PREX1: variants seen among roughly 807,000 people sequenced by gnomAD.
PREX1 encodes phosphatidylinositol-3,4,5-trisphosphate dependent Rac exchange factor 1.
Under a neutral mutation model 198.3 loss-of-function variants are expected in PREX1, and 41 were observed. The observed-to-expected ratio is 0.21, with a 90% confidence interval of 0.16 to 0.27. The LOEUF (loss-of-function observed/expected upper bound fraction) is 0.27, where lower values mean the gene tolerates loss of function less well. PREX1 is among the 10% of genes least tolerant of loss of function. PREX1 has a pLI of 1.00. For missense variants in PREX1, 1,620 were observed against 2,200.7 expected, an observed-to-expected ratio of 0.74 and a Z score of 5.28; for synonymous variants, 843 against 887.2, an observed-to-expected ratio of 0.95 and a Z score of 0.89.
intron 2 of PREX1, among the ~76,000 whole-genome samples, chr20:48,746,799 C>T (rs1015673556): frequency 1.3e-5 from 2 of 152,078 alleles, no homozygotes; most frequent in Admixed American, 1.3e-4. Flanking sequence ...TAAGTCGCAG[C>T]TTAAAATTAT....
the PREX1 span, among the ~76,000 whole-genome samples, chr20:48,842,820 A>G: frequency 2.4e-3 from 364 of 152,048 alleles, 14 homozygotes; most frequent in East Asian, 0.063. Flanking sequence ...TTTTGCATCT[A>G]TAAATGGGGA....
At chr20:48,700,442 ATTTT>A (rs969281085) in intron 7 of PREX1, among the ~76,000 whole-genome samples, 1 of 152,212 alleles carries the variant, frequency 6.6e-6, no homozygotes, top group African/African-American at 2.4e-5. Flanking sequence ...CTCTTTAATA[ATTTT>A]TTTAAATAAT....
rs115124658 is a variant in PREX1 at position 48,705,197 on chromosome 20, A to C, written c.783+3063T>G. ...CAGATGAGGAAACTGAGGCAAAGGA[A>C]TCTCTCCCCACGGAGGGGGTTGTCT... On this transcript the variant is annotated intron_variant, in intron 6 of 39. Transcript: ENST00000371941. Among the ~76,000 whole-genome samples the C allele has an allele frequency of 7.5e-3, 1,137 of 152,286 alleles. 19 individuals carry two copies. The highest frequency in any genetic ancestry group is 0.026 in the African/African-American group (1,088 of 41,560).
At chr20:48,764,224 A>G (rs527763798) in intron 1 of PREX1, among the ~76,000 whole-genome samples, 2 of 152,176 alleles carry the variant, frequency 1.3e-5, no homozygotes, top group Non-Finnish European at 2.9e-5. Context: ...CCAACGTGAA[A>G]GGAGGGAGAA....
intron 1 of PREX1, among the ~76,000 whole-genome samples, chr20:48,826,786 G>A (rs1797001351): frequency 6.6e-6 from 1 of 152,208 alleles, no homozygotes; most frequent in South Asian, 2.1e-4. Context: ...TTGAACCCGG[G>A]AGGCGGAGGT....
At chr20:48,883,680 C>T in the PREX1 span, among the ~76,000 whole-genome samples, 1 of 151,996 alleles carries the variant, frequency 6.6e-6, no homozygotes, top group East Asian at 1.9e-4. Flanking sequence ...AATAAATTTA[C>T]AGAAGTACAA....
At chr20:48,822,218 G>A (rs976056999) in intron 1 of PREX1, among the ~76,000 whole-genome samples, 3 of 152,158 alleles carry the variant, frequency 2.0e-5, no homozygotes, top group South Asian at 2.1e-4. Flanking sequence ...CAGGCTCTCC[G>A]GCATCTGAAA....
In PREX1 at chr20:48,827,084, C is replaced by T. The variant is rs2090512284; in HGVS notation, c.219+558G>A. Among the ~76,000 whole-genome samples, 1 of 152,084 alleles carries T rather than the reference C, an allele frequency of 6.6e-6. No homozygotes were observed. Among genetic ancestry groups the T allele is most frequent in the Admixed American group, 6.5e-5 (1 of 15,268 alleles). On this transcript the variant is annotated intron_variant, in intron 1 of 39. Coordinates refer to ENST00000371941, the MANE Select transcript of PREX1 (RefSeq NM_020820.4). The surrounding 1 kb of genome is among the most constrained non-coding windows in gnomAD (Gnocchi z 4.1). The stretch of plus-strand genomic sequence containing the variant: ...AGCCTGGACTGCCGAGTTTTGAGTT[C>T]GAAACCCACTCTCCCCGAACTCCAG...
Position 48,636,530 on chromosome 20 carries a change from C to T in PREX1, c.4100G>A (p.Trp1367Ter). ...GCCCGTGGCCGCCACCTGCTCCAGC[C>T]ACTTGCGGCTGGCGTCGCGGCTGCT... ...EESSRDASRK[W>*]LEQVAATGVL... Residue 1367 changes from tryptophan to a stop codon, truncating the protein, a stop_gained, in exon 32 of 40, where the codon TGG (tryptophan) becomes TAG (stop). Transcript: ENST00000371941. LOFTEE classifies it high-confidence loss of function. The T allele has an allele frequency of 6.2e-7, 1 of 1,611,736 alleles. No individual in the cohort carries two copies. The highest frequency in any genetic ancestry group is 8.5e-7 in the Non-Finnish European group (1 of 1,179,644).
intron 1 of PREX1, among the ~76,000 whole-genome samples, chr20:48,816,975 T>C (rs1407181048): frequency 6.6e-6 from 1 of 152,222 alleles, no homozygotes; most frequent in Non-Finnish European, 1.5e-5. Flanking sequence ...ACGCCATCTC[T>C]GTGTGATCCT....
At chr20:48,864,569 G>A in the PREX1 span, among the ~76,000 whole-genome samples, 2 of 152,186 alleles carry the variant, frequency 1.3e-5, no homozygotes, top group Admixed American at 1.3e-4. Context: ...GTGAAATCAT[G>A]AACCTGAGGT....
chr20:48,827,558 G>A lies in PREX1; in HGVS notation c.219+84C>T. 9.6e-7 allele frequency: 1 copy of A among 1,043,282 alleles called. No individual in the cohort carries two copies. The highest frequency in any genetic ancestry group is 1.2e-6 in the Non-Finnish European group (1 of 822,032). 64.6% of individuals were successfully genotyped at this position (1,043,282 alleles called of 1,614,324 possible). A position where few individuals can be genotyped will look rare whatever the true frequency, so the allele number is the denominator to read the frequency against. ...CCCCGAGGCAATTCTCCACCCACGG[G>A]GACCACGGCCACAGGTTGTGGGGAC... is the stretch of plus-strand genomic sequence containing the variant. On this transcript the variant is annotated intron_variant, in intron 1 of 39. Coordinates refer to ENST00000371941, the MANE Select transcript of PREX1 (RefSeq NM_020820.4). The surrounding 1 kb of genome is among the most constrained non-coding windows in gnomAD (Gnocchi z 4.1).
rs1056832639 is a variant in PREX1, at chr20:48,666,501, C to A, written c.1666-146G>T. On this transcript the variant is annotated intron_variant, in intron 14 of 39. Transcript: ENST00000371941. This position sits in a 1 kb window ranked among gnomAD's most constrained non-coding sequence, Gnocchi z 4.3. ...TTTGTTTACTGCAGTAACCCCAAAA[C>A]GGGTTTGTGATTATTATTTTTTATT... 5.5e-6 allele frequency: 3 copies of A among 542,580 alleles called. No homozygotes were observed. Among genetic ancestry groups the A allele is most frequent in the East Asian group, 3.3e-5 (1 of 30,750 alleles). The allele number at this position is 542,580 out of a possible 1,614,324, so 33.6% of individuals were successfully genotyped here.
At chr20:48,746,996 AC>A (rs2090111392) in intron 2 of PREX1, among the ~76,000 whole-genome samples, 1 of 58,188 alleles carries the variant, frequency 1.7e-5, no homozygotes, top group Non-Finnish European at 3.6e-5. Flanking sequence ...ACACACACAC[AC>A]ACACACACAC....
At chr20:48,873,456 C>T in the PREX1 span, among the ~76,000 whole-genome samples, 1 of 151,602 alleles carries the variant, frequency 6.6e-6, no homozygotes, top group African/African-American at 2.4e-5. Flanking sequence ...CTCCTGTAAT[C>T]CCAGCACTTT....
chr20:48,680,175 C>T (rs777247342), intron 11 of PREX1, among the ~76,000 whole-genome samples: 1 of 152,222 alleles, frequency 6.6e-6, no homozygotes, highest in African/African-American at 2.4e-5. Flanking sequence ...ACGGAGCCAT[C>T]TCTATCCCAC....
intron 1 of PREX1, among the ~76,000 whole-genome samples, chr20:48,806,455 G>T (rs1385620490): frequency 5.9e-5 from 9 of 152,084 alleles, no homozygotes. Context: ...TCTAGACTTG[G>T]TTCATTATTA....
At chr20:48,747,702 G>C in intron 2 of PREX1, 107 bp downstream of exon 2, 1 of 1,269,446 alleles carries the variant, frequency 7.9e-7, no homozygotes, top group Non-Finnish European at 1.1e-6. Context: ...CAGCCAGCGG[G>C]TGATGCGCCT....
At chr20:48,759,375 C>T (rs972859298) in intron 1 of PREX1, among the ~76,000 whole-genome samples, 1 of 151,846 alleles carries the variant, frequency 6.6e-6, no homozygotes, top group Admixed American at 6.6e-5. Flanking sequence ...CATAGTGAAA[C>T]CCTGTCTCTA....
Sources: gnomAD v4.1 joint callset for allele counts (sites outside exome capture counted in the v4.1 genomes callset) on GRCh38, gnomAD v4.1.1 for gene constraint, Gnocchi (gnomAD v3.1) non-coding constraint, MANE v1.5 for transcripts, NCBI Gene and HGNC (gene_info 2026-07-23, HGNC 2026-07-21) for gene names.